NFIL3: variants seen among roughly 807,000 people sequenced by gnomAD.
The protein encoded by NFIL3 is nuclear factor, interleukin 3 regulated.
Under a neutral mutation model 10.0 loss-of-function variants are expected in NFIL3, and 5 were observed. That is an observed-to-expected ratio of 0.50 (90% CI 0.26 to 1.06). The LOEUF is 1.06. Ranked by LOEUF, NFIL3 falls within the 50% of genes least tolerant of loss-of-function variation. The pLI is 0.13. For synonymous variants in NFIL3, 202 were observed against 206.5 expected (o/e 0.98, Z 0.19); for missense variants, 436 against 547.6 (o/e 0.80, Z 2.03).
the NFIL3 span, among the ~76,000 whole-genome samples, chr9:91,453,816 G>A: frequency 4.6e-5 from 7 of 152,066 alleles, no homozygotes; most frequent in African/African-American, 1.7e-4. Context: ...ACTGACTTGA[G>A]ATTTATCTTT....
the NFIL3 span, among the ~76,000 whole-genome samples, chr9:91,447,684 T>A: frequency 6.6e-6 from 1 of 152,220 alleles, no homozygotes; most frequent in Non-Finnish European, 1.5e-5. Flanking sequence ...AGTTGTGTTG[T>A]CTTTCTATTG....
chr9:91,471,747 C>T, the NFIL3 span, among the ~76,000 whole-genome samples: 10 of 152,176 alleles, frequency 6.6e-5, no homozygotes, highest in Non-Finnish European at 1.5e-4. Flanking sequence ...CCTGTCATTA[C>T]AATGTTAGCT....
chr9:91,410,511 A>G lies in NFIL3; in HGVS notation c.224T>C (p.Met75Thr), dbSNP rs773539463. 2.5e-6 allele frequency: 4 copies of G among 1,614,110 alleles called. No individual in the cohort carries two copies. The highest frequency in any genetic ancestry group is 1.7e-4 in the Middle Eastern group (1 of 6,060). Residue 75 changes from methionine (M) to threonine (T), a missense_variant, in exon 2 of 2, where the codon ATG becomes ACG. Coordinates refer to ENST00000297689, the MANE Select transcript of NFIL3 (RefSeq NM_005384.3). The surrounding 1 kb of genome is among the most constrained non-coding windows in gnomAD (Gnocchi z 5.7). ...ATTTTTCCGCCTTTTTTCCCAATAC[A>G]TAGCATCTTTCTTTTCATCAGGAAT... ...EFIPDEKKDA[M>T]YWEKRRKNNE... is the part of the protein sequence containing the mutation.
At chr9:91,419,340 T>A (rs1270761660) in intron 1 of NFIL3, among the ~76,000 whole-genome samples, 1 of 152,128 alleles carries the variant, frequency 6.6e-6, no homozygotes, top group African/African-American at 2.4e-5. Context: ...CGCATTTACA[T>A]CTCGAAATTG....
At chr9:91,464,788 C>T in the NFIL3 span, among the ~76,000 whole-genome samples, 1 of 151,986 alleles carries the variant, frequency 6.6e-6, no homozygotes, top group African/African-American at 2.4e-5. Context: ...ATATAAAAGT[C>T]TAGGTTGGTG....
chr9:91,410,272 A>T lies in NFIL3; in HGVS notation c.463T>A (p.Ser155Thr). The T allele has an allele frequency of 6.2e-7, 1 of 1,614,188 alleles. No homozygotes were observed. The highest frequency in any genetic ancestry group is 8.5e-7 in the Non-Finnish European group (1 of 1,180,022). Residue 155 changes from serine to threonine, a missense_variant, in exon 2 of 2, where the codon TCC (serine) becomes ACC (threonine). Coordinates refer to ENST00000297689, the MANE Select transcript of NFIL3 (RefSeq NM_005384.3). This position sits in a 1 kb window ranked among gnomAD's most constrained non-coding sequence, Gnocchi z 5.7. The part of the protein sequence containing the change: ...TAVYFQDYQT[S>T]KSNVSSFVDE... Reference sequence around the variant, plus strand: ...ACAAATGAACTCACATTGGATTTGGAAGTCTGGTAATCTTGAAAGTACACA... The same window carrying T: ...ACAAATGAACTCACATTGGATTTGGTAGTCTGGTAATCTTGAAAGTACACA...
At chr9:91,450,918 A>C in the NFIL3 span, among the ~76,000 whole-genome samples, 1 of 152,080 alleles carries the variant, frequency 6.6e-6, no homozygotes, top group Non-Finnish European at 1.5e-5. Context: ...TTCTACTTTA[A>C]TGGTACCTAA....
chr9:91,452,787 C>CA, the NFIL3 span, among the ~76,000 whole-genome samples: 27,310 of 59,494 alleles, frequency 0.46, 6,908 homozygotes, highest in African/African-American at 0.73. Flanking sequence ...AACTCTGTCT[C>CA]AAAAAAAAAA....
the NFIL3 span, among the ~76,000 whole-genome samples, chr9:91,475,830 G>A: frequency 6.6e-6 from 1 of 152,206 alleles, no homozygotes; most frequent in Non-Finnish European, 1.5e-5. Flanking sequence ...GAATTTTCCA[G>A]TAAAATATAT....
chr9:91,455,596 T>C, the NFIL3 span, among the ~76,000 whole-genome samples: 1 of 152,228 alleles, frequency 6.6e-6, no homozygotes, highest in Non-Finnish European at 1.5e-5. Flanking sequence ...TGTTTTATTT[T>C]ACAAGCATTC....
the NFIL3 span, among the ~76,000 whole-genome samples, chr9:91,470,926 T>G: frequency 1.3e-5 from 2 of 152,088 alleles, no homozygotes; most frequent in Non-Finnish European, 2.9e-5. Context: ...TGCTGAGGAG[T>G]GCTTTACTTC....
At chr9:91,414,524 G>T (rs1405431725) in intron 1 of NFIL3, among the ~76,000 whole-genome samples, 3 of 152,218 alleles carry the variant, frequency 2.0e-5, no homozygotes, top group Admixed American at 2.0e-4. Context: ...CTCCCAAAGT[G>T]CTGGGATTAC....
intron 1 of NFIL3, among the ~76,000 whole-genome samples, chr9:91,421,285 C>G (rs1335229456): frequency 6.6e-6 from 1 of 151,772 alleles, no homozygotes. Flanking sequence ...CCCGGGCGAA[C>G]CCAGAGCGCA....
chr9:91,467,585 G>A, the NFIL3 span, among the ~76,000 whole-genome samples: 83 of 151,912 alleles, frequency 5.5e-4, 1 homozygote, highest in African/African-American at 1.5e-3. Context: ...TGTACATAAC[G>A]TGCAGGTTTA....
the NFIL3 span, among the ~76,000 whole-genome samples, chr9:91,443,716 G>T: frequency 0.01 from 1,582 of 152,268 alleles, 10 homozygotes; most frequent in Non-Finnish European, 0.016. Flanking sequence ...GTGGTTGGGT[G>T]GCTGCAGGAC....
the NFIL3 span, among the ~76,000 whole-genome samples, chr9:91,479,083 C>G: frequency 1.3e-5 from 2 of 152,218 alleles, no homozygotes; most frequent in African/African-American, 4.8e-5. Flanking sequence ...GTCCGTCAAC[C>G]CCTGCTGGGA....
At chr9:91,474,315 ATTCT>A in the NFIL3 span, among the ~76,000 whole-genome samples, 1 of 152,020 alleles carries the variant, frequency 6.6e-6, no homozygotes, top group Non-Finnish European at 1.5e-5. Flanking sequence ...ATAGTATGTA[ATTCT>A]TTTTATATAT....
the NFIL3 span, among the ~76,000 whole-genome samples, chr9:91,483,473 A>T: frequency 4.6e-5 from 7 of 152,142 alleles, no homozygotes; most frequent in East Asian, 1.3e-3. Flanking sequence ...ACACACAGTC[A>T]GTTGAAATGA....
chr9:91,409,428 C>T lies in NFIL3; in HGVS notation c.1307G>A (p.Gly436Glu). ...AACCTCTGCAGATAAGTTTGCTATC[C>T]CCTGCTTCAAATACAAGTTCTCTGG... is the stretch of plus-strand genomic sequence containing the variant. ...SDPENLYLKQGIANLSAEVVS... is the reference protein window; with the variant it reads ...SDPENLYLKQEIANLSAEVVS... The change falls in exon 2 of 2, where the codon GGG becomes GAG. Residue 436 changes from glycine to glutamate, a missense_variant. By Grantham distance (98) the Gly-to-Glu change is moderately conservative (BLOSUM62 -2). This residue lies in a region of NFIL3 where 338 missense variants were observed against 399.9 expected (regional missense o/e 0.85). Coordinates refer to ENST00000297689, the MANE Select transcript of NFIL3 (RefSeq NM_005384.3). The T allele has an allele frequency of 1.2e-6, 2 of 1,614,014 alleles. No homozygotes were observed. Among genetic ancestry groups the T allele is most frequent in the Non-Finnish European group, 1.7e-6 (2 of 1,179,978 alleles).
Sources: allele counts gnomAD v4.1 joint callset (sites outside exome capture counted in the v4.1 genomes callset), GRCh38; gene constraint gnomAD v4.1.1; regional missense constraint gnomAD v4.1.1; non-coding constraint Gnocchi (gnomAD v3.1); transcripts MANE v1.5; gene names NCBI Gene and HGNC (gene_info 2026-07-23, HGNC 2026-07-21).